Variants in ANKRD13A observed in about 807,000 individuals in gnomAD.
ANKRD13A encodes the protein ankyrin repeat domain-containing protein 13A.
Under a neutral mutation model 81.3 loss-of-function variants are expected in ANKRD13A, and 48 were observed. The ratio of observed to expected loss-of-function variants is 0.59; its 90% CI spans 0.47 to 0.75. The LOEUF is 0.75. Ranked by LOEUF, ANKRD13A falls within the 30% of genes least tolerant of loss-of-function variation. ANKRD13A has a pLI of 0.00. For synonymous variants in ANKRD13A, 230 were observed against 270.1 expected, an observed-to-expected ratio of 0.85 and a Z score of 1.45; for missense variants, 612 against 734.0, an observed-to-expected ratio of 0.83 and a Z score of 1.92.
chr12:110,012,104 G>C lies in ANKRD13A; in HGVS notation c.196G>C (p.Asp66His), dbSNP rs918721721. ...TCGAGTCTTACTCCGACATAAAGCA[G>C]ATGTGACAAAAGAAAATCGCCAGGG... ...SARVLLRHKA[D>H]VTKENRQGWT... Residue 66 changes from aspartate (D) to histidine (H), a missense_variant, in exon 2 of 15, where the codon GAT becomes CAT. Coordinates refer to ENST00000261739, the MANE Select transcript of ANKRD13A (RefSeq NM_033121.2). The C allele has an allele frequency of 1.2e-6, 2 of 1,612,260 alleles. No individual in the cohort carries two copies. The highest frequency in any genetic ancestry group is 1.7e-5 in the Admixed American group (1 of 59,974).
intron 8 of ANKRD13A, among the ~76,000 whole-genome samples, chr12:110,026,224 G>A (rs12825530): frequency 1.3e-5 from 2 of 151,226 alleles, no homozygotes; most frequent in African/African-American, 2.4e-5. Context: ...CTCGGCCTCC[G>A]AAAGTGCTGA....
intron 8 of ANKRD13A, among the ~76,000 whole-genome samples, chr12:110,026,444 G>A (rs1375116685): frequency 6.6e-6 from 1 of 151,764 alleles, no homozygotes; most frequent in East Asian, 2.0e-4. Flanking sequence ...GGGTGTGGTG[G>A]CCCATGGCTG....
Position 110,018,213 on chromosome 12 carries a change from C to T in ANKRD13A, c.401-132C>T. 1 of 892,874 alleles carries T rather than the reference C, an allele frequency of 1.1e-6. No homozygotes were observed. The highest frequency in any genetic ancestry group is 1.7e-6 in the Non-Finnish European group (1 of 599,736). The allele number at this position is 892,874 out of a possible 1,614,324, so 55.3% of individuals were successfully genotyped here. The stretch of plus-strand genomic sequence containing the variant: ...TTTCCTGTATGGTAAATATGAAAGC[C>T]AAGAAGTCCGTTGTTTGATGGTCAC... On this transcript the variant is annotated intron_variant, in intron 4 of 14. Transcript: ENST00000261739. The surrounding 1 kb of genome is among the most constrained non-coding windows in gnomAD (Gnocchi z 4.4).
chr12:110,002,811 A>C (rs1890048036), intron 1 of ANKRD13A, among the ~76,000 whole-genome samples: 2 of 152,164 alleles, frequency 1.3e-5, no homozygotes, highest in African/African-American at 2.4e-5. Context: ...CAGGAACAGC[A>C]ACACAAGAAA....
intron 1 of ANKRD13A, among the ~76,000 whole-genome samples, chr12:110,001,898 C>T (rs560912244): frequency 6.6e-6 from 1 of 152,284 alleles, no homozygotes; most frequent in African/African-American, 2.4e-5. Context: ...TATTACTAGA[C>T]ATGGTACAGA....
intron 1 of ANKRD13A, among the ~76,000 whole-genome samples, chr12:110,004,474 G>T (rs1446460508): frequency 6.6e-6 from 1 of 151,812 alleles, no homozygotes; most frequent in Non-Finnish European, 1.5e-5. Context: ...AATTAGCCAG[G>T]CGTGGTGGTG....
intron 12 of ANKRD13A, among the ~76,000 whole-genome samples, chr12:110,031,450 C>T (rs1353389239): frequency 6.6e-6 from 1 of 151,910 alleles, no homozygotes. Context: ...CTCCCAGGCT[C>T]AAGCGATTTT....
At chr12:110,035,987 T>C (rs981150288) in intron 13 of ANKRD13A, among the ~76,000 whole-genome samples, 3 of 152,196 alleles carry the variant, frequency 2.0e-5, no homozygotes, top group Non-Finnish European at 2.9e-5. Context: ...TTTCGTTGTG[T>C]ATATCTTCCA....
chr12:110,033,253 G>A (rs1240812290), intron 12 of ANKRD13A, among the ~76,000 whole-genome samples: 2 of 149,146 alleles, frequency 1.3e-5, no homozygotes, highest in Non-Finnish European at 1.5e-5. Flanking sequence ...TAGTAGAGAC[G>A]GGGTTTCACC....
chr12:110,018,288 C>G lies in ANKRD13A; in HGVS notation c.401-57C>G. 1 of 1,557,290 alleles carries G rather than the reference C, an allele frequency of 6.4e-7. No homozygotes were observed. Among genetic ancestry groups the G allele is most frequent in the Non-Finnish European group, 8.8e-7 (1 of 1,141,510 alleles). On this transcript the variant is annotated intron_variant, in intron 4 of 14. Coordinates refer to ENST00000261739, the MANE Select transcript of ANKRD13A (RefSeq NM_033121.2). This position sits in a 1 kb window ranked among gnomAD's most constrained non-coding sequence, Gnocchi z 4.4. ...TTAAATCAGAATCCTGATTTCCTGGCCTAGGTATTCTTCTTGGCCCTTGAG... is the reference window on the plus strand; with the variant it reads ...TTAAATCAGAATCCTGATTTCCTGGGCTAGGTATTCTTCTTGGCCCTTGAG...
rs187752640 is a variant in ANKRD13A, at chr12:110,018,074, G to A, written c.401-271G>A. ...GTACAGACCTTATATAGTGGGGACA[G>A]ACCCCACTATAAATTGGGGCTCATT... On this transcript the variant is annotated intron_variant, in intron 4 of 14. Transcript: ENST00000261739. The surrounding 1 kb of genome is among the most constrained non-coding windows in gnomAD (Gnocchi z 4.4). Among the ~76,000 whole-genome samples, 3 of 152,340 alleles carry A rather than the reference G, an allele frequency of 2.0e-5. No individual in the cohort carries two copies. In the East Asian group the frequency reaches 5.8e-4, roughly 29 times the overall value.
chr12:110,016,492 A>G (rs1890811243), intron 4 of ANKRD13A, 59 bp downstream of exon 4: 5 of 1,461,500 alleles, frequency 3.4e-6, no homozygotes, highest in Middle Eastern at 1.9e-4. Flanking sequence ...GCCCGCATGT[A>G]GGTTTATTTT....
intron 1 of ANKRD13A, among the ~76,000 whole-genome samples, chr12:110,008,633 C>G (rs1000424766): frequency 2.0e-5 from 3 of 152,084 alleles, no homozygotes; most frequent in African/African-American, 7.2e-5. Flanking sequence ...GCCTGTAATC[C>G]CAGCACTTTG....
At chr12:110,015,792 C>A (rs1360217855) in intron 3 of ANKRD13A, among the ~76,000 whole-genome samples, 4 of 152,076 alleles carry the variant, frequency 2.6e-5, no homozygotes, top group East Asian at 1.9e-4. Context: ...ACTCATCCAC[C>A]CGCCTCGGCC....
At chr12:110,016,482 G>C in intron 4 of ANKRD13A, 49 bp downstream of exon 4, 1 of 1,502,510 alleles carries the variant, frequency 6.7e-7, no homozygotes, top group Non-Finnish European at 9.0e-7. Context: ...AATTTACTTA[G>C]CCCGCATGTA....
Position 110,037,391 on chromosome 12 carries a change from A to G in ANKRD13A, c.1610A>G (p.Glu537Gly). 1 of 1,614,180 alleles carries G rather than the reference A, an allele frequency of 6.2e-7. No homozygotes were observed. Among genetic ancestry groups the G allele is most frequent in the African/African-American group, 1.3e-5 (1 of 75,050 alleles). Residue 537 changes from glutamate (E) to glycine (G), a missense_variant, in exon 15 of 15, where the codon GAA (glutamate) becomes GGA (glycine). By Grantham distance (98) the Glu-to-Gly change is moderately conservative. Transcript: ENST00000261739. ...CAGGAGAGCCTCCTCACCAGCACAG[A>G]AGGCCTGTGCCCCAGCGCCCTGAGC... ...AIQESLLTST[E>G]GLCPSALSET...
chr12:110,007,012 T>A (rs1200762823), intron 1 of ANKRD13A, among the ~76,000 whole-genome samples: 1 of 152,216 alleles, frequency 6.6e-6, no homozygotes, highest in Non-Finnish European at 1.5e-5. Context: ...TGACCATAAA[T>A]GTGTGGGTTT....
Position 110,036,156 on chromosome 12 carries a change from C to A in ANKRD13A, c.1510-105C>A. 2 of 1,069,862 alleles carry A rather than the reference C, an allele frequency of 1.9e-6. No individual in the cohort carries two copies. Among genetic ancestry groups the A allele is most frequent in the Non-Finnish European group, 2.9e-6 (2 of 690,346 alleles). The allele number at this position is 1,069,862 out of a possible 1,614,324, so 66.3% of individuals were successfully genotyped here. ...TTCACACAGCACTATTGATAATGGT[C>A]ATGGAAAGACTTTTAATTTGGTTCT... On this transcript the variant is annotated intron_variant, in intron 13 of 14. Coordinates refer to ENST00000261739, the MANE Select transcript of ANKRD13A (RefSeq NM_033121.2). The surrounding 1 kb of genome is among the most constrained non-coding windows in gnomAD (Gnocchi z 4.6).
intron 11 of ANKRD13A, among the ~76,000 whole-genome samples, chr12:110,030,324 G>A (rs1316568404): frequency 6.6e-6 from 1 of 151,922 alleles, no homozygotes; most frequent in Non-Finnish European, 1.5e-5. Context: ...GCATCACCAC[G>A]CCCAGCTAAT....
Sources: gnomAD v4.1 joint callset for allele counts (sites outside exome capture counted in the v4.1 genomes callset) on GRCh38, gnomAD v4.1.1 for gene constraint, Gnocchi (gnomAD v3.1) non-coding constraint, MANE v1.5 for transcripts, NCBI Gene and HGNC (gene_info 2026-07-23, HGNC 2026-07-21) for gene names.